Variants in CNTNAP2 observed in about 807,000 individuals in gnomAD.
CNTNAP2 encodes contactin-associated protein-like 2.
In CNTNAP2, 98 loss-of-function variants were observed where a neutral mutation model predicts 155.2. The observed-to-expected ratio is 0.63, with a 90% confidence interval of 0.54 to 0.75. CNTNAP2 has a LOEUF of 0.75. CNTNAP2 is among the 30% of genes least tolerant of loss of function. The pLI is 0.00. For synonymous variants in CNTNAP2, 651 were observed against 631.2 expected (o/e 1.03, Z -0.47); for missense variants, 1,727 against 1,688.1 (o/e 1.02, Z -0.40).
At chr7:148,092,114 G>C (rs1267481232) in intron 15 of CNTNAP2, among the ~76,000 whole-genome samples, 5 of 152,226 alleles carry the variant, frequency 3.3e-5, no homozygotes, top group African/African-American at 1.2e-4. Flanking sequence ...TGTAAGGAAA[G>C]CAGAGAAAGC....
intron 13 of CNTNAP2, among the ~76,000 whole-genome samples, chr7:147,770,894 G>A (rs1797458315): frequency 1.3e-5 from 2 of 152,108 alleles, no homozygotes; most frequent in African/African-American, 2.4e-5. Flanking sequence ...GCCAAGACTA[G>A]CCAAAACATT....
intron 3 of CNTNAP2, among the ~76,000 whole-genome samples, chr7:147,034,700 C>A (rs1799113674): frequency 1.3e-5 from 2 of 152,152 alleles, no homozygotes; most frequent in South Asian, 4.2e-4. Flanking sequence ...ATGGGGAGGT[C>A]AGAAGGGGGA....
chr7:148,370,154 A>G (rs530903788), intron 21 of CNTNAP2, among the ~76,000 whole-genome samples: 2 of 152,304 alleles, frequency 1.3e-5, no homozygotes, highest in East Asian at 1.9e-4. Context: ...CGGAGGATAC[A>G]CTGCACCCTC....
chr7:147,966,894 C>T (rs919925130), intron 14 of CNTNAP2, among the ~76,000 whole-genome samples: 6 of 151,998 alleles, frequency 3.9e-5, no homozygotes, highest in Admixed American at 3.9e-4. Context: ...TTGTCAGTGG[C>T]TGGGTGCACA....
At chr7:148,314,560 A>T (rs928099003) in intron 21 of CNTNAP2, among the ~76,000 whole-genome samples, 1 of 152,160 alleles carries the variant, frequency 6.6e-6, no homozygotes, top group African/African-American at 2.4e-5. Flanking sequence ...AGGCAAGCCC[A>T]GAGAAAAGAG....
intron 17 of CNTNAP2, among the ~76,000 whole-genome samples, chr7:148,155,889 A>C (rs958270520): frequency 6.6e-6 from 1 of 152,140 alleles, no homozygotes; most frequent in Non-Finnish European, 1.5e-5. Context: ...GTATGTGGAA[A>C]GGTGCGGTGA....
chr7:148,177,399 G>C (rs1399303685), intron 18 of CNTNAP2, among the ~76,000 whole-genome samples: 3 of 152,136 alleles, frequency 2.0e-5, no homozygotes, highest in Non-Finnish European at 4.4e-5. Flanking sequence ...GAATTCCTGA[G>C]GCTACCAGAG....
At chr7:148,058,443 G>A (rs773762985) in intron 15 of CNTNAP2, among the ~76,000 whole-genome samples, 3 of 152,156 alleles carry the variant, frequency 2.0e-5, no homozygotes, top group Non-Finnish European at 2.9e-5. Flanking sequence ...GTGGCTTGTA[G>A]GAGATGAGGA....
chr7:146,350,941 AC>A (rs1794905080), intron 1 of CNTNAP2, among the ~76,000 whole-genome samples: 1 of 149,724 alleles, frequency 6.7e-6, no homozygotes, highest in South Asian at 2.1e-4. Context: ...AAAAAACCAA[AC>A]ACCGCATGTT....
intron 13 of CNTNAP2, among the ~76,000 whole-genome samples, chr7:147,706,492 C>T (rs972990457): frequency 1.3e-5 from 2 of 151,944 alleles, no homozygotes; most frequent in Admixed American, 6.6e-5. Flanking sequence ...CTGAGAGATT[C>T]ACTGTTAGTC....
At chr7:146,563,763 C>T (rs1185757285) in intron 1 of CNTNAP2, among the ~76,000 whole-genome samples, 1 of 152,092 alleles carries the variant, frequency 6.6e-6, no homozygotes, top group African/African-American at 2.4e-5. Flanking sequence ...CACCACTTTG[C>T]CCTTCACAGA....
At chr7:148,174,514 T>C (rs1048874761) in intron 18 of CNTNAP2, among the ~76,000 whole-genome samples, 1 of 152,230 alleles carries the variant, frequency 6.6e-6, no homozygotes, top group African/African-American at 2.4e-5. Context: ...CAAGGCCTTC[T>C]CTGGCCTTCC....
chr7:147,047,050 A>AG (rs1799375325), intron 4 of CNTNAP2, among the ~76,000 whole-genome samples: 1 of 147,914 alleles, frequency 6.8e-6, no homozygotes, highest in Admixed American at 6.7e-5. Context: ...AAAAAAAAAA[A>AG]GTGTAGCCAT....
intron 21 of CNTNAP2, among the ~76,000 whole-genome samples, chr7:148,308,099 T>G (rs1307371725): frequency 4.6e-5 from 7 of 152,192 alleles, no homozygotes; most frequent in Admixed American, 4.6e-4. Context: ...TACAAGTAAT[T>G]TTTTTCAAAT....
chr7:148,177,426 A>G (rs778865775), intron 18 of CNTNAP2, among the ~76,000 whole-genome samples: 167 of 152,292 alleles, frequency 1.1e-3, no homozygotes, highest in Non-Finnish European at 1.9e-3. Flanking sequence ...AGAGTGAAGG[A>G]AAGATTCTTC....
intron 11 of CNTNAP2, among the ~76,000 whole-genome samples, chr7:147,502,758 T>TATAA (rs1340481827): frequency 6.6e-6 from 1 of 151,036 alleles, no homozygotes; most frequent in Non-Finnish European, 1.5e-5. Flanking sequence ...TATATATATA[T>TATAA]AAAACAAATC....
At chr7:146,429,640 G>T (rs986937264) in intron 1 of CNTNAP2, among the ~76,000 whole-genome samples, 3 of 152,060 alleles carry the variant, frequency 2.0e-5, no homozygotes, top group Non-Finnish European at 4.4e-5. Context: ...AGATGATGGG[G>T]TTTTCTAGAT....
chr7:146,533,214 G>C (rs905554535), intron 1 of CNTNAP2, among the ~76,000 whole-genome samples: 12 of 149,278 alleles, frequency 8.0e-5, no homozygotes, highest in Non-Finnish European at 1.3e-4. Flanking sequence ...AAATGACCAA[G>C]TGAACACCTA....
At chr7:148,218,546 C>T (rs951322468) in intron 19 of CNTNAP2, among the ~76,000 whole-genome samples, 1 of 152,092 alleles carries the variant, frequency 6.6e-6, no homozygotes, top group African/African-American at 2.4e-5. Context: ...CACATACCAC[C>T]ACTCCCAGCT....
Sources: allele counts gnomAD v4.1 joint callset (sites outside exome capture counted in the v4.1 genomes callset), GRCh38; gene constraint gnomAD v4.1.1; transcripts MANE v1.5; gene names NCBI Gene and HGNC (gene_info 2026-07-23, HGNC 2026-07-21).